Variants in PLEKHH2 observed in about 807,000 individuals in gnomAD.
The protein encoded by PLEKHH2 is pleckstrin homology domain-containing family H member 2.
A neutral mutation model predicts 187.9 loss-of-function variants in PLEKHH2; 129 were observed. The observed-to-expected ratio is 0.69, with a 90% confidence interval of 0.59 to 0.79. The LOEUF (loss-of-function observed/expected upper bound fraction) is 0.79, where lower values mean the gene tolerates loss of function less well. Ranked by LOEUF, PLEKHH2 falls within the 30% of genes least tolerant of loss-of-function variation. The probability of loss-of-function intolerance (pLI) is 0.00; values close to 1 mark genes in which losing one functional copy is unlikely to be tolerated. For synonymous variants in PLEKHH2, 686 were observed against 605.6 expected, an observed-to-expected ratio of 1.13 and a Z score of -1.95; for missense variants, 2,076 against 1,751.2, an observed-to-expected ratio of 1.19 and a Z score of -3.31.
At chr2:43,732,240 G>A (rs1427334848) in intron 19 of PLEKHH2, among the ~76,000 whole-genome samples, 1 of 152,096 alleles carries the variant, frequency 6.6e-6, no homozygotes, top group African/African-American at 2.4e-5. Flanking sequence ...GCACATACCT[G>A]TAATCCCAGC....
chr2:43,641,347 A>G (rs1665912167), intron 1 of PLEKHH2, among the ~76,000 whole-genome samples: 1 of 152,160 alleles, frequency 6.6e-6, no homozygotes, highest in African/African-American at 2.4e-5. Flanking sequence ...GCCTAATCCA[A>G]GGTCATGAAG....
intron 26 of PLEKHH2, among the ~76,000 whole-genome samples, 177 bp downstream of exon 26, chr2:43,757,441 A>G (rs1672256562): frequency 7.2e-6 from 1 of 139,180 alleles, no homozygotes; most frequent in Admixed American, 7.6e-5. Flanking sequence ...TTTTTTTGAG[A>G]CGGAGTCTCG....
intron 2 of PLEKHH2, among the ~76,000 whole-genome samples, chr2:43,655,155 A>G (rs1304478030): frequency 6.6e-6 from 1 of 152,122 alleles, no homozygotes; most frequent in Non-Finnish European, 1.5e-5. Flanking sequence ...CTGCAGTGCT[A>G]TAATGATGCC....
At chr2:43,704,080 C>A in intron 9 of PLEKHH2, 24 bp downstream of exon 9, 1 of 1,485,512 alleles carries the variant, frequency 6.7e-7, no homozygotes, top group Non-Finnish European at 9.4e-7. Context: ...CATGCTGCCA[C>A]CTGGATGAAC....
intron 3 of PLEKHH2, among the ~76,000 whole-genome samples, chr2:43,683,930 G>A (rs898233011): frequency 6.6e-6 from 1 of 152,140 alleles, no homozygotes; most frequent in Admixed American, 6.5e-5. Flanking sequence ...ATGAAGTACA[G>A]AGCTTTCATA....
intron 4 of PLEKHH2, among the ~76,000 whole-genome samples, chr2:43,693,427 G>A (rs373842462): frequency 6.6e-6 from 1 of 152,072 alleles, no homozygotes. Context: ...CACTTTATTG[G>A]AATCAAGTAA....
Position 43,699,724 on chromosome 2 carries a change from C to A in PLEKHH2, c.766C>A (p.Pro256Thr). 6.2e-7 allele frequency: 1 copy of A among 1,614,170 alleles called. No individual in the cohort carries two copies. The highest frequency in any genetic ancestry group is 8.5e-7 in the Non-Finnish European group (1 of 1,180,032). ...NRGQRTLHQT[P>T]CGSEQNRKTR... Reference sequence around the variant, plus strand: ...AGGCCAGAGAACATTGCATCAAACCCCTTGTGGCTCAGAACAGAATCGGAA... The same window carrying A: ...AGGCCAGAGAACATTGCATCAAACCACTTGTGGCTCAGAACAGAATCGGAA... The change falls in exon 8 of 30, where the codon CCT becomes ACT. Residue 256 changes from proline (P) to threonine (T), a missense_variant. By Grantham distance (38) the Pro-to-Thr change is conservative (BLOSUM62 -1). Coordinates refer to ENST00000282406, the MANE Select transcript of PLEKHH2 (RefSeq NM_172069.4).
chr2:43,694,699 CAT>C (rs1482783064), intron 5 of PLEKHH2, among the ~76,000 whole-genome samples, 185 bp downstream of exon 5: 1 of 152,110 alleles, frequency 6.6e-6, no homozygotes, highest in Non-Finnish European at 1.5e-5. Context: ...AAAAATTAAA[CAT>C]ATTAATAGAC....
intron 2 of PLEKHH2, among the ~76,000 whole-genome samples, chr2:43,652,562 GGGACTCCAT>G (rs1436376658): frequency 2.0e-5 from 3 of 152,158 alleles, no homozygotes; most frequent in Non-Finnish European, 4.4e-5. Flanking sequence ...GAAGTCTCTA[GGGACTCCAT>G]GAGTCCAGGA....
rs903639701 is a variant in PLEKHH2 at position 43,700,358 on chromosome 2, G to A, written c.1400G>A (p.Arg467Lys). 1.9e-6 allele frequency: 3 copies of A among 1,614,026 alleles called. No homozygotes were observed. Among genetic ancestry groups the A allele is most frequent in the African/African-American group, 2.7e-5 (2 of 74,910 alleles). Reference sequence around the variant, plus strand: ...AGCCAGCCACAGTTAAGCTCTGACAGGATGTTTGGTACAAATAGAAACGCT... The same window carrying A: ...AGCCAGCCACAGTTAAGCTCTGACAAGATGTTTGGTACAAATAGAAACGCT... ...HLSQPQLSSD[R>K]MFGTNRNAIS... Residue 467 changes from arginine (R) to lysine (K), a missense_variant, in exon 8 of 30, where the codon AGG becomes AAG. Transcript: ENST00000282406.
chr2:43,706,725 G>A (rs951155818), intron 10 of PLEKHH2, among the ~76,000 whole-genome samples: 2 of 152,132 alleles, frequency 1.3e-5, no homozygotes, highest in African/African-American at 4.8e-5. Context: ...TCCTAATTTA[G>A]GCAGATCTTT....
At chr2:43,744,867 C>CAAAAAAAAA (rs774106764) in intron 23 of PLEKHH2, among the ~76,000 whole-genome samples, 5 of 82,774 alleles carry the variant, frequency 6.0e-5, no homozygotes, top group East Asian at 4.1e-4. Context: ...GACTGTCTCA[C>CAAAAAAAAA]AAAAAAAAAA....
intron 17 of PLEKHH2, among the ~76,000 whole-genome samples, chr2:43,728,616 C>T (rs1443072282): frequency 6.9e-6 from 1 of 144,998 alleles, no homozygotes; most frequent in Non-Finnish European, 1.5e-5. Context: ...GGCTGGAGTG[C>T]AGTGGCGTGA....
chr2:43,748,364 C>G (rs1671864439), intron 24 of PLEKHH2, among the ~76,000 whole-genome samples: 1 of 152,194 alleles, frequency 6.6e-6, no homozygotes, highest in African/African-American at 2.4e-5. Context: ...TGAGGGCAAA[C>G]TTTATCAAGG....
At chr2:43,677,117 T>C (rs1422765299) in intron 2 of PLEKHH2, among the ~76,000 whole-genome samples, 1 of 152,216 alleles carries the variant, frequency 6.6e-6, no homozygotes, top group Non-Finnish European at 1.5e-5. Context: ...CTTTTAAATA[T>C]GCAAAGAGCC....
intron 2 of PLEKHH2, chr2:43,658,780 T>C (rs1310219190): frequency 6.6e-6 from 1 of 152,158 alleles, no homozygotes; most frequent in Non-Finnish European, 1.5e-5. Flanking sequence ...GAAGTCATAC[T>C]TCATCATTTC....
intron 20 of PLEKHH2, 139 bp downstream of exon 20, chr2:43,738,659 CT>C: frequency 1.2e-6 from 1 of 807,916 alleles, no homozygotes; most frequent in Non-Finnish European, 1.8e-6. Context: ...ATTTTGATGT[CT>C]ACCTTTTTGG....
chr2:43,675,824 G>A (rs144971217), intron 2 of PLEKHH2: 2 of 1,613,968 alleles, frequency 1.2e-6, no homozygotes, highest in Non-Finnish European at 1.7e-6. Context: ...GTGTGGCCCA[G>A]ATAGAAGGGC....
chr2:43,657,189 C>CA (rs1420278639), intron 2 of PLEKHH2, among the ~76,000 whole-genome samples: 1 of 152,164 alleles, frequency 6.6e-6, no homozygotes, highest in Non-Finnish European at 1.5e-5. Flanking sequence ...AGGGTGGACT[C>CA]ACTGCGGGTG....
Sources: allele counts gnomAD v4.1 joint callset (sites outside exome capture counted in the v4.1 genomes callset), GRCh38; gene constraint gnomAD v4.1.1; transcripts MANE v1.5; gene names NCBI Gene and HGNC (gene_info 2026-07-23, HGNC 2026-07-21).